PRDM15: variants seen among roughly 807,000 people sequenced by gnomAD.
The protein encoded by PRDM15 is PR domain zinc finger protein 15.
A neutral mutation model predicts 128.6 loss-of-function variants in PRDM15; 64 were observed. The ratio of observed to expected loss-of-function variants is 0.50; its 90% CI spans 0.41 to 0.61. The LOEUF (loss-of-function observed/expected upper bound fraction) is 0.61, where lower values mean the gene tolerates loss of function less well. Ranked by LOEUF, PRDM15 falls within the 20% of genes least tolerant of loss-of-function variation. The probability of loss-of-function intolerance (pLI) is 0.00; values close to 1 mark genes in which losing one functional copy is unlikely to be tolerated. For missense variants in PRDM15, 1,242 were observed against 1,569.1 expected (o/e 0.79, Z 3.52); for synonymous variants, 615 against 621.8 (o/e 0.99, Z 0.16).
At chr21:41,869,945 C>T (rs779851076) in intron 1 of PRDM15, among the ~76,000 whole-genome samples, 100 of 152,380 alleles carry the variant, frequency 6.6e-4, no homozygotes, top group Middle Eastern at 3.4e-3. Flanking sequence ...GGTCTCCCTT[C>T]TAGTCCACTG....
At chr21:41,855,793 C>A (rs772987228) in intron 4 of PRDM15, among the ~76,000 whole-genome samples, 1 of 152,230 alleles carries the variant, frequency 6.6e-6, no homozygotes, top group East Asian at 1.9e-4. Flanking sequence ...GTACGTCGAC[C>A]GGATGGGTGC....
At chr21:41,803,618 G>A (rs997981476) in intron 22 of PRDM15, among the ~76,000 whole-genome samples, 3 of 152,202 alleles carry the variant, frequency 2.0e-5, no homozygotes, top group Non-Finnish European at 4.4e-5. Flanking sequence ...CAGACCCAGC[G>A]TGGGCCTACA....
rs769256012 is a variant in PRDM15, at chr21:41,835,476, G to C, written c.1327C>G (p.Arg443Gly). ...TGGAACTCCAGCGCGCTCTCGATGC[G>C]GAAGGTCTTCTCACAAGTGCCGCAG... Reference protein sequence around the residue: ...YRCGTCEKTFRIESALEFHNC... With the variant: ...YRCGTCEKTFGIESALEFHNC... Residue 443 changes from arginine to glycine, a missense_variant, in exon 11 of 24, where the codon CGC (arginine) becomes GGC (glycine). Transcript: ENST00000398548. 1.2e-6 allele frequency: 2 copies of C among 1,610,534 alleles called. No homozygotes were observed. The highest frequency in any genetic ancestry group is 8.5e-7 in the Non-Finnish European group (1 of 1,179,894).
At position 41,811,109 on chromosome 21, in the gene PRDM15, T is replaced by C. The variant is rs2061849596; in HGVS notation, c.2393-273A>G. 2.3e-6 allele frequency: 1 copy of C among 443,374 alleles called. No homozygotes were observed. The highest frequency in any genetic ancestry group is 2.9e-5 in the South Asian group (1 of 34,696). The allele number at this position is 443,374 out of a possible 1,614,324, so 27.5% of individuals were successfully genotyped here. On this transcript the variant is annotated intron_variant, in intron 19 of 23. Transcript: ENST00000398548. The surrounding 1 kb of genome is among the most constrained non-coding windows in gnomAD (Gnocchi z 4.1). ...ACACAGACAGAAAGTGGAACCCACA[T>C]GTGGACAAGCAGAAAAACGATAGGA...
intron 1 of PRDM15, chr21:41,878,772 G>T: frequency 6.8e-7 from 1 of 1,461,882 alleles, no homozygotes; most frequent in Non-Finnish European, 9.1e-7. Context: ...GTACCCGAGG[G>T]CGGGGGATAA....
intron 1 of PRDM15, among the ~76,000 whole-genome samples, chr21:41,875,258 C>T (rs2064370050): frequency 1.3e-5 from 2 of 152,264 alleles, no homozygotes; most frequent in African/African-American, 4.8e-5. Context: ...AGACCTCCGT[C>T]CCTCTACATG....
At chr21:41,861,481 A>G (rs1395739999) in intron 1 of PRDM15, 56 of 1,212,448 alleles carry the variant, frequency 4.6e-5, no homozygotes, top group Non-Finnish European at 6.1e-5. Flanking sequence ...GTTTGGGAGG[A>G]GCATAAAGTG....
At position 41,854,569 on chromosome 21, in the gene PRDM15, G is replaced by C; in HGVS notation, c.535C>G (p.His179Asp). 6.2e-7 allele frequency: 1 copy of C among 1,612,918 alleles called. No individual in the cohort carries two copies. Among genetic ancestry groups the C allele is most frequent in the Non-Finnish European group, 8.5e-7 (1 of 1,179,960 alleles). The part of the protein sequence containing the change: ...PMLKQAGSGV[H>D]AAGTPENSAP... Reference sequence around the variant, plus strand: ...CGGATCGGGGGCCGCCACATACCGTGGACGCCAGAGCCGGCCTGCTTCAGC... The same window carrying C: ...CGGATCGGGGGCCGCCACATACCGTCGACGCCAGAGCCGGCCTGCTTCAGC... The change falls in exon 5 of 24, where the codon CAC becomes GAC. Residue 179 changes from histidine (H) to aspartate (D), a missense_variant. Physicochemically the swap from His to Asp is moderately conservative, Grantham distance 81. This residue lies in a region of PRDM15 where 612 missense variants were observed against 717.0 expected (regional missense o/e 0.85). Transcript: ENST00000398548. This position sits in a 1 kb window ranked among gnomAD's most constrained non-coding sequence, Gnocchi z 4.6.
At chr21:41,818,479 C>T (rs1289922679) in intron 18 of PRDM15, among the ~76,000 whole-genome samples, 2 of 151,878 alleles carry the variant, frequency 1.3e-5, no homozygotes, top group East Asian at 3.9e-4. Flanking sequence ...ACCCATGTGC[C>T]GTCCTTGCGC....
chr21:41,806,861 TACCACC>T (rs2061693479), intron 21 of PRDM15, among the ~76,000 whole-genome samples: 1 of 140,498 alleles, frequency 7.1e-6, no homozygotes, highest in Non-Finnish European at 1.5e-5. Context: ...CCATCACCAC[TACCACC>T]GCCATCACCA....
chr21:41,805,848 AC>A (rs1015296863), intron 21 of PRDM15, among the ~76,000 whole-genome samples: 3 of 149,754 alleles, frequency 2.0e-5, no homozygotes, highest in African/African-American at 7.4e-5. Context: ...CAACACAACC[AC>A]CTCCATCACC....
rs974603290 is a variant in PRDM15, at chr21:41,804,639, T to G, written c.2653-25A>C. 3 of 1,528,022 alleles carry G rather than the reference T, an allele frequency of 2.0e-6. No homozygotes were observed. In the African/African-American group the frequency reaches 4.1e-5, roughly 21 times the overall value. The allele number at this position is 1,528,022 out of a possible 1,614,324, so 94.7% of individuals were successfully genotyped here. A position where few individuals can be genotyped will look rare whatever the true frequency, so the allele number is the denominator to read the frequency against. On this transcript the variant is annotated intron_variant, in intron 21 of 23. Coordinates refer to ENST00000398548, the MANE Select transcript of PRDM15 (RefSeq NM_001040424.3). The stretch of plus-strand genomic sequence containing the variant: ...CCTATGAGGAGCACAGGGCATGAGC[T>G]GGGGGTCAGGGTGCTGCTGATGCAG...
At chr21:41,837,019 C>T (rs1346774125) in intron 8 of PRDM15, 2 of 159,612 alleles carry the variant, frequency 1.3e-5, no homozygotes, top group South Asian at 2.0e-4. Context: ...ATTTTCAAAA[C>T]TTCTTTTCCC....
chr21:41,871,437 C>T lies in PRDM15; in HGVS notation c.-10+7833G>A, dbSNP rs1377043277. ...TAAGCAGCAGCTGCCATTGTTAAAGCCACAGGCTGTCCCTGTCTGGGCCCA... is the reference window on the plus strand; with the variant it reads ...TAAGCAGCAGCTGCCATTGTTAAAGTCACAGGCTGTCCCTGTCTGGGCCCA... On this transcript the variant is annotated intron_variant, in intron 1 of 23. Transcript: ENST00000398548. 8 of 1,347,674 alleles carry T rather than the reference C, an allele frequency of 5.9e-6. No individual in the cohort carries two copies. In the East Asian group the frequency reaches 1.9e-4, roughly 32 times the overall value. The allele number at this position is 1,347,674 out of a possible 1,614,324, so 83.5% of individuals were successfully genotyped here. A position where few individuals can be genotyped will look rare whatever the true frequency, so the allele number is the denominator to read the frequency against.
chr21:41,807,521 G>A (rs928027112), intron 21 of PRDM15, among the ~76,000 whole-genome samples: 8 of 152,140 alleles, frequency 5.3e-5, no homozygotes, highest in Non-Finnish European at 8.8e-5. Context: ...AAGCTGACCC[G>A]AGTCCCCTTC....
intron 11 of PRDM15, among the ~76,000 whole-genome samples, chr21:41,831,572 G>A (rs1040494044): frequency 4.6e-5 from 7 of 152,234 alleles, no homozygotes; most frequent in Non-Finnish European, 8.8e-5. Context: ...TTGGGGGTGA[G>A]GGAAGCAGAC....
At chr21:41,808,724 C>A (rs1568890051) in intron 21 of PRDM15, among the ~76,000 whole-genome samples, 2 of 152,170 alleles carry the variant, frequency 1.3e-5, no homozygotes, top group Non-Finnish European at 2.9e-5. Flanking sequence ...TGTATACACA[C>A]ATTATATATG....
At chr21:41,829,128 CCACA>C (rs1413324276) in intron 11 of PRDM15, among the ~76,000 whole-genome samples, 2 of 149,492 alleles carry the variant, frequency 1.3e-5, no homozygotes, top group Non-Finnish European at 3.0e-5. Flanking sequence ...ACTCAACATA[CCACA>C]CACACATGCC....
Position 41,878,729 on chromosome 21 carries a change from TC to T in PRDM15, c.-10+540del, listed in dbSNP as rs1203840736. 7.6e-6 allele frequency: 12 copies of T among 1,570,810 alleles called. No homozygotes were observed. In the African/African-American group the frequency reaches 1.7e-4, roughly 22 times the overall value. ...GCTTCTCTAAACGCGGGGTTGGGGG[TC>T]CAGGGACCCCCCCGTGCGACCCGCA... On this transcript the variant is annotated intron_variant, in intron 1 of 23. Transcript: ENST00000398548.
Sources: allele counts gnomAD v4.1 joint callset (sites outside exome capture counted in the v4.1 genomes callset), GRCh38; gene constraint gnomAD v4.1.1; regional missense constraint gnomAD v4.1.1; non-coding constraint Gnocchi (gnomAD v3.1); transcripts MANE v1.5; gene names NCBI Gene and HGNC (gene_info 2026-07-23, HGNC 2026-07-21).